The following AGTPBP1 variants were observed in gnomAD, a reference collection of about 807,000 sequenced individuals.
AGTPBP1 encodes the protein cytosolic carboxypeptidase 1.
In AGTPBP1, 70 loss-of-function variants were observed where a neutral mutation model predicts 143.9. That is an observed-to-expected ratio of 0.49 (90% CI 0.40 to 0.59). The LOEUF is 0.59. Ranked by LOEUF, AGTPBP1 falls within the 20% of genes least tolerant of loss-of-function variation. The probability of loss-of-function intolerance (pLI) is 0.00; values close to 1 mark genes in which losing one functional copy is unlikely to be tolerated. For missense variants in AGTPBP1, 1,229 were observed against 1,464.5 expected (o/e 0.84, Z 2.62); for synonymous variants, 463 against 500.2 (o/e 0.93, Z 0.99).
In AGTPBP1 at chr9:85,655,338, A is replaced by G. The variant is rs753081550; in HGVS notation, c.910-18T>C. The G allele has an allele frequency of 4.7e-6, 7 of 1,475,318 alleles. No homozygotes were observed. In the East Asian group the frequency reaches 1.8e-4, roughly 38 times the overall value. The allele number at this position is 1,475,318 out of a possible 1,614,324, so 91.4% of individuals were successfully genotyped here. On this transcript the variant is annotated intron_variant, in intron 10 of 25. Transcript: ENST00000357081. Reference sequence around the variant, plus strand: ...AGACATTCCTGTTTTTTAAAAAAAGAAAAAGAAAAAGAATGTTTTTGATGA... The same window carrying G: ...AGACATTCCTGTTTTTTAAAAAAAGGAAAAGAAAAAGAATGTTTTTGATGA...
chr9:85,768,373 T>C, the AGTPBP1 span, among the ~76,000 whole-genome samples: 4 of 152,234 alleles, frequency 2.6e-5, no homozygotes, highest in Non-Finnish European at 1.5e-5. Flanking sequence ...GGATAGGTTC[T>C]TGGAAATTGT....
chr9:85,562,211 C>T (rs1303665535), intron 25 of AGTPBP1, among the ~76,000 whole-genome samples: 1 of 149,338 alleles, frequency 6.7e-6, no homozygotes. Context: ...CTAAAATCTA[C>T]CAATCTAAAA....
intron 2 of AGTPBP1, among the ~76,000 whole-genome samples, chr9:85,695,418 G>GGCTT (rs2134300710): frequency 6.6e-6 from 1 of 152,170 alleles, no homozygotes; most frequent in East Asian, 1.9e-4. Flanking sequence ...AAATGTGCAA[G>GGCTT]GCCAAAGACA....
intron 14 of AGTPBP1, among the ~76,000 whole-genome samples, chr9:85,625,971 T>C (rs1165827844): frequency 1.4e-5 from 2 of 145,746 alleles, no homozygotes; most frequent in East Asian, 2.0e-4. Context: ...AAAATGTTAA[T>C]AATGGTTATC....
chr9:85,790,936 A>T, the AGTPBP1 span, among the ~76,000 whole-genome samples: 3 of 152,198 alleles, frequency 2.0e-5, no homozygotes, highest in Non-Finnish European at 1.5e-5. Flanking sequence ...GAAATTTAAA[A>T]CTATCTATTA....
the AGTPBP1 span, chr9:85,805,245 C>T: frequency 6.6e-6 from 1 of 152,354 alleles, no homozygotes; most frequent in South Asian, 2.1e-4. Context: ...AACAAACCCC[C>T]GCGCTCGGCG....
At chr9:85,776,821 G>A in the AGTPBP1 span, among the ~76,000 whole-genome samples, 1 of 152,154 alleles carries the variant, frequency 6.6e-6, no homozygotes, top group Admixed American at 6.5e-5. Flanking sequence ...GGAACAGGAA[G>A]CAAAAATGTT....
intron 1 of AGTPBP1, among the ~76,000 whole-genome samples, chr9:85,716,450 T>C (rs1419620768): frequency 6.6e-6 from 1 of 152,196 alleles, no homozygotes; most frequent in Non-Finnish European, 1.5e-5. Flanking sequence ...ACTCGACATA[T>C]GCAAAACGGA....
At chr9:85,628,536 C>T (rs1270163847) in intron 14 of AGTPBP1, among the ~76,000 whole-genome samples, 1 of 152,162 alleles carries the variant, frequency 6.6e-6, no homozygotes, top group Non-Finnish European at 1.5e-5. Flanking sequence ...ACATCTCCAT[C>T]AAGGTCGTGA....
At chr9:85,551,052 G>A (rs111429332) in intron 25 of AGTPBP1, among the ~76,000 whole-genome samples, 72 of 151,940 alleles carry the variant, frequency 4.7e-4, no homozygotes, top group African/African-American at 1.5e-3. Context: ...AAAAGAGTGT[G>A]GCACTTCCCC....
intron 15 of AGTPBP1, among the ~76,000 whole-genome samples, chr9:85,620,934 C>T (rs1013850841): frequency 6.6e-6 from 1 of 152,242 alleles, no homozygotes; most frequent in African/African-American, 2.4e-5. Flanking sequence ...CATTGTGTAA[C>T]CTTTACCTCA....
At chr9:85,713,172 C>T (rs1009184754) in intron 1 of AGTPBP1, among the ~76,000 whole-genome samples, 24 of 152,122 alleles carry the variant, frequency 1.6e-4, no homozygotes, top group African/African-American at 5.8e-4. Context: ...CTTTTAAATA[C>T]CAATGCTTAC....
At chr9:85,751,735 C>T in the AGTPBP1 span, among the ~76,000 whole-genome samples, 1 of 152,090 alleles carries the variant, frequency 6.6e-6, no homozygotes, top group Admixed American at 6.5e-5. Context: ...GTGCCTCAGC[C>T]TCCTGAGTAG....
upstream of AGTPBP1, among the ~76,000 whole-genome samples, chr9:85,746,729 A>G (rs1415395409): frequency 6.6e-6 from 1 of 152,098 alleles, no homozygotes; most frequent in Non-Finnish European, 1.5e-5. Context: ...ATTTGCTAAG[A>G]GAGTGGATTT....
At chr9:85,782,077 A>G in the AGTPBP1 span, among the ~76,000 whole-genome samples, 1 of 152,240 alleles carries the variant, frequency 6.6e-6, no homozygotes, top group African/African-American at 2.4e-5. Context: ...ATGGTTTATG[A>G]AAAGTTGACT....
At chr9:85,653,724 A>T (rs1833314926) in intron 11 of AGTPBP1, among the ~76,000 whole-genome samples, 1 of 152,220 alleles carries the variant, frequency 6.6e-6, no homozygotes, top group Non-Finnish European at 1.5e-5. Context: ...TTCCTAGAAG[A>T]GGGAGTGGAG....
Position 85,584,943 on chromosome 9 carries a change from T to C in AGTPBP1, c.3165+520A>G, listed in dbSNP as rs1381834392. 3.9e-5 allele frequency among the ~76,000 whole-genome samples: 6 copies of C among 152,202 alleles called. No individual in the cohort carries two copies. The East Asian group carries it at 1.2e-3, about 29-fold the overall frequency. The stretch of plus-strand genomic sequence containing the variant: ...TCCAACTTTAAATTCAAGGCAGCTC[T>C]AATGCAAACTCCAACAAAGTTTATC... On this transcript the variant is annotated intron_variant, in intron 23 of 25. Transcript: ENST00000357081.
chr9:85,714,948 G>C (rs1224127740), intron 1 of AGTPBP1, among the ~76,000 whole-genome samples: 1 of 152,046 alleles, frequency 6.6e-6, no homozygotes, highest in Non-Finnish European at 1.5e-5. Context: ...TATAATAGCA[G>C]CTTATCAAAA....
chr9:85,794,347 G>A, the AGTPBP1 span, among the ~76,000 whole-genome samples: 1 of 152,096 alleles, frequency 6.6e-6, no homozygotes, highest in Non-Finnish European at 1.5e-5. Context: ...TACATGGTAT[G>A]AGTTAAGGGT....
Sources: gnomAD v4.1 joint callset for allele counts (sites outside exome capture counted in the v4.1 genomes callset) on GRCh38, gnomAD v4.1.1 for gene constraint, MANE v1.5 for transcripts, NCBI Gene and HGNC (gene_info 2026-07-23, HGNC 2026-07-21) for gene names.